CITED1: variants seen among roughly 807,000 people sequenced by gnomAD.
The protein encoded by CITED1 is cbp/p300-interacting transactivator 1.
In CITED1, 3 loss-of-function variants were observed where a neutral mutation model predicts 8.5. The ratio of observed to expected loss-of-function variants is 0.35; its 90% confidence interval spans 0.16 to 0.91. The LOEUF (loss-of-function observed/expected upper bound fraction) is 0.91, where lower values mean the gene tolerates loss of function less well. Ranked by LOEUF, CITED1 falls within the 40% of genes least tolerant of loss-of-function variation. The pLI, the probability that CITED1 is intolerant of heterozygous loss-of-function variation, is 0.46. For synonymous variants in CITED1, 54 were observed against 67.4 expected (o/e 0.80, Z 0.97); for missense variants, 113 against 154.8 (o/e 0.73, Z 1.43).
chrX:72,303,585 A>G lies in CITED1; in HGVS notation c.-65-651T>C, dbSNP rs756590390. ...CTCAAGCCCCCTCCAAGACAGCCCC[A>G]GCATTGGGCTTTCCTAGGATGCCTA... On this transcript the variant is annotated intron_variant, in intron 1 of 2. Transcript: ENST00000651998. Among the ~76,000 whole-genome samples the G allele has an allele frequency of 4.5e-5, 5 of 111,945 alleles. No homozygotes were observed. The East Asian group carries it at 8.5e-4, about 19-fold the overall frequency.
chrX:72,302,696 T>C, intron 2 of CITED1, 114 bp downstream of exon 2: 1 of 638,428 alleles, frequency 1.6e-6, no homozygotes, highest in Non-Finnish European at 2.4e-6. Flanking sequence ...CCAGAGATAG[T>C]CCTGTTGTCT....
chrX:72,307,033 C>T (rs2984347), upstream of CITED1: 1 of 109,932 alleles, frequency 9.1e-6, no homozygotes, highest in African/African-American at 3.3e-5. Context: ...ACGGAGGGCC[C>T]GCGCGGGTGC....
Position 72,302,229 on chromosome X carries a change from T to G in CITED1, c.76A>C (p.Met26Leu). Residue 26 changes from methionine to leucine, a missense_variant, in exon 3 of 3, where the codon ATG becomes CTG. Met to Leu is a conservative substitution (Grantham distance 15). Coordinates refer to ENST00000651998, the MANE Select transcript of CITED1 (RefSeq NM_001144887.2). ...SPAKEDANQE[M>L]SSVAYSNLAV... Reference sequence around the variant, plus strand: ...AGGTTGGAGTAGGCCACGGAGCTCATCTCTTGGTTGGCATCCTAGAAGACA... The same window carrying G: ...AGGTTGGAGTAGGCCACGGAGCTCAGCTCTTGGTTGGCATCCTAGAAGACA... 8.3e-7 allele frequency: 1 copy of G among 1,205,712 alleles called. No homozygotes were observed. Among genetic ancestry groups the G allele is most frequent in the Non-Finnish European group, 1.1e-6 (1 of 891,832 alleles).
upstream of CITED1, chrX:72,306,710 G>T: frequency 9.0e-6 from 1 of 111,210 alleles, no homozygotes; most frequent in South Asian, 3.5e-4. Flanking sequence ...AGCAGCCCCT[G>T]ACCGAGCTGG....
intron 2 of CITED1, among the ~76,000 whole-genome samples, chrX:72,302,542 T>C (rs1167077040): frequency 8.9e-6 from 1 of 112,228 alleles, no homozygotes; most frequent in African/African-American, 3.2e-5. Flanking sequence ...GCACCTCCTG[T>C]CCCTCTTCTC....
At chrX:72,304,023 T>C (rs992763292) in intron 1 of CITED1, 15 of 278,158 alleles carry the variant, frequency 5.4e-5, no homozygotes, top group Non-Finnish European at 7.2e-5. Context: ...GATACCAGGC[T>C]GGGCAACATA....
chrX:72,304,061 A>G (rs2043313435), intron 1 of CITED1: 1 of 553,453 alleles, frequency 1.8e-6, no homozygotes, highest in South Asian at 1.0e-4. Flanking sequence ...TAAAAAAAAA[A>G]AGCCCCATAT....
intron 1 of CITED1, among the ~76,000 whole-genome samples, chrX:72,303,557 T>C (rs1339119340): frequency 1.8e-5 from 2 of 112,039 alleles, no homozygotes; most frequent in Admixed American, 9.4e-5. Flanking sequence ...CTTTCCTCCA[T>C]GTCTCAAGCC....
At chrX:72,305,478 G>A (rs1352457000) in intron 1 of CITED1, 1 of 457,285 alleles carries the variant, frequency 2.2e-6, no homozygotes, top group East Asian at 4.1e-5. Flanking sequence ...CATCCCAGAT[G>A]GAGCCGCGGA....
chrX:72,306,282 T>C (rs1962612290), upstream of CITED1, among the ~76,000 whole-genome samples: 1 of 105,777 alleles, frequency 9.5e-6, no homozygotes, highest in African/African-American at 3.4e-5. Flanking sequence ...GGGGGCGCGC[T>C]GGCAAGCGAA....
upstream of CITED1, chrX:72,307,125 G>A (rs1291673587): frequency 9.0e-6 from 1 of 111,313 alleles, no homozygotes; most frequent in African/African-American, 3.3e-5. Context: ...GGCAGAGCGA[G>A]CTTCCTCTCG....
chrX:72,305,624 G>C (rs1269633184), intron 1 of CITED1: 1 of 219,069 alleles, frequency 4.6e-6, no homozygotes, highest in South Asian at 9.5e-5. Flanking sequence ...GAAGGGGCAC[G>C]GGGTGTCGGC....
At position 72,301,817 on chromosome X, in the gene CITED1, A is replaced by G; in HGVS notation, c.488T>C (p.Val163Ala). The change falls in exon 3 of 3, where the codon GTG (valine) becomes GCG (alanine). Residue 163 changes from valine (V) to alanine (A), a missense_variant. Coordinates refer to ENST00000651998, the MANE Select transcript of CITED1 (RefSeq NM_001144887.2). ...VDEEVLMSLV[V>A]ELGLDRANEL... is the part of the protein sequence containing the mutation. ...ATTGGCTCGGTCCAACCCCAGTTCC[A>G]CCACCAGCGACATCAGCACTTCCTC... 7.4e-6 allele frequency: 9 copies of G among 1,211,474 alleles called. No individual in the cohort carries two copies. Among genetic ancestry groups the G allele is most frequent in the Non-Finnish European group, 1.0e-5 (9 of 895,452 alleles).
At chrX:72,306,558 T>A (rs922460880), upstream of CITED1, 1 of 110,921 alleles carries the variant, frequency 9.0e-6, no homozygotes, top group East Asian at 2.9e-4. Context: ...CCCCAGCCCC[T>A]GGCACGCACG....
At chrX:72,305,757 C>T (rs2043332581) in intron 1 of CITED1, 68 bp downstream of exon 1, 1 of 129,950 alleles carries the variant, frequency 7.7e-6, no homozygotes, top group Non-Finnish European at 1.6e-5. Flanking sequence ...AGCCAAGCCG[C>T]CTGCGGTCAG....
At position 72,301,864 on chromosome X, in the gene CITED1, G is replaced by C. The variant is rs201380209; in HGVS notation, c.441C>G (p.Ile147Met). Reference protein sequence around the residue: ...SPSAGAQSPAIIDSDPVDEEV... With the variant: ...SPSAGAQSPAMIDSDPVDEEV... ...CCTCATCCACTGGGTCCGAATCGAT[G>C]ATAGCAGGGCTCTGGGCACCAGCAG... Residue 147 changes from isoleucine (I) to methionine (M), a missense_variant, in exon 3 of 3, where the codon ATC (isoleucine) becomes ATG (methionine). Ile to Met is a conservative substitution (Grantham distance 10). Coordinates refer to ENST00000651998, the MANE Select transcript of CITED1 (RefSeq NM_001144887.2). 1.1e-4 allele frequency: 134 copies of C among 1,210,487 alleles called. No individual in the cohort carries two copies. Among genetic ancestry groups the C allele is most frequent in the Non-Finnish European group, 1.5e-4 (131 of 895,376 alleles).
intron 1 of CITED1, chrX:72,304,181 G>T: frequency 8.0e-6 from 3 of 373,684 alleles, no homozygotes; most frequent in Non-Finnish European, 1.0e-5. Context: ...TTCCAAGGAG[G>T]CTAGAATTCT....
Sources: allele counts gnomAD v4.1 joint callset (sites outside exome capture counted in the v4.1 genomes callset), GRCh38; gene constraint gnomAD v4.1.1; transcripts MANE v1.5; gene names NCBI Gene and HGNC (gene_info 2026-07-23, HGNC 2026-07-21).